The following JMJD8 variants were observed in gnomAD, a reference collection of about 807,000 sequenced individuals.
JMJD8 encodes jmjC domain-containing protein 8.
JMJD8 carries 56 observed loss-of-function variants against 37.6 expected under a neutral mutation model. That is an observed-to-expected ratio of 1.49 (90% CI 1.20 to 1.86). JMJD8 has a LOEUF of 1.86. JMJD8 is among the 40% of genes most tolerant of loss of function. JMJD8 has a pLI of 0.00. For missense variants in JMJD8, 542 were observed against 362.7 expected (o/e 1.49, Z -4.01); for synonymous variants, 261 against 163.7 (o/e 1.59, Z -4.54).
chr16:684,312 G>T lies in JMJD8; in HGVS notation c.8C>A (p.Pro3Gln). 1 of 1,485,860 alleles carries T rather than the reference G, an allele frequency of 6.7e-7. No individual in the cohort carries two copies. The highest frequency in any genetic ancestry group is 8.9e-7 in the Non-Finnish European group (1 of 1,125,784). The allele number at this position is 1,485,860 out of a possible 1,614,324, so 92.0% of individuals were successfully genotyped here. MA[P>Q]ASRLLALWAL... is the part of the protein sequence containing the mutation. ...CCAGAGCGCGAGCAACCGCGACGCCGGCGCCATGAGCCTGCCGCCCTCAGG... is the reference window on the plus strand; with the variant it reads ...CCAGAGCGCGAGCAACCGCGACGCCTGCGCCATGAGCCTGCCGCCCTCAGG... Residue 3 changes from proline (P) to glutamine (Q), a missense_variant, in exon 1 of 9, where the codon CCG (proline) becomes CAG (glutamine). By Grantham distance (76) the Pro-to-Gln change is moderately conservative. Coordinates refer to ENST00000609261, the MANE Select transcript of JMJD8 (RefSeq NM_001005920.4).
chr16:682,340 C>A lies in JMJD8; in HGVS notation c.*454G>T. The A allele has an allele frequency of 6.2e-7, 1 of 1,613,032 alleles. No individual in the cohort carries two copies. The highest frequency in any genetic ancestry group is 1.6e-4 in the Middle Eastern group (1 of 6,062). Reference sequence around the variant, plus strand: ...GCATGGTCCTGGGCCCCATGACTGCCCTCTGCCCTTCTTGTCACTGCAGCG... The same window carrying A: ...GCATGGTCCTGGGCCCCATGACTGCACTCTGCCCTTCTTGTCACTGCAGCG... On this transcript the variant is annotated 3_prime_UTR_variant, in exon 9 of 9. Coordinates refer to ENST00000609261, the MANE Select transcript of JMJD8 (RefSeq NM_001005920.4).
chr16:682,550 C>CT lies in JMJD8; in HGVS notation c.*243dup. 3 of 1,603,320 alleles carry CT rather than the reference C, an allele frequency of 1.9e-6. No individual in the cohort carries two copies. The highest frequency in any genetic ancestry group is 2.6e-6 in the Non-Finnish European group (3 of 1,173,992). On this transcript the variant is annotated 3_prime_UTR_variant, in exon 9 of 9. Coordinates refer to ENST00000609261, the MANE Select transcript of JMJD8 (RefSeq NM_001005920.4). ...AGCCCTGGGCAGAAGCCCCCGGCCC[C>CT]TATACATAGTTTATGTTCCTGGCCA...
rs762182388 is a variant in JMJD8 at position 682,533 on chromosome 16, G to C, written c.*261C>G. 6.2e-7 allele frequency: 1 copy of C among 1,610,990 alleles called. No homozygotes were observed. Among genetic ancestry groups the C allele is most frequent in the Non-Finnish European group, 8.5e-7 (1 of 1,178,836 alleles). On this transcript the variant is annotated 3_prime_UTR_variant, in exon 9 of 9. Coordinates refer to ENST00000609261, the MANE Select transcript of JMJD8 (RefSeq NM_001005920.4). Reference sequence around the variant, plus strand: ...GCGTCCTGGTCCAGGGGAGCCCTGGGCAGAAGCCCCCGGCCCCTATACATA... The same window carrying C: ...GCGTCCTGGTCCAGGGGAGCCCTGGCCAGAAGCCCCCGGCCCCTATACATA...
Position 681,820 on chromosome 16 carries a change from C to G in JMJD8, c.*974G>C. 8 of 1,606,970 alleles carry G rather than the reference C, an allele frequency of 5.0e-6. No homozygotes were observed. The highest frequency in any genetic ancestry group is 1.1e-5 in the South Asian group (1 of 90,742). ...AGCTGGAAGAGTGCCAGCGAAACCA[C>G]GAGGGTGATGAGGACGACAGCCACG... is the stretch of plus-strand genomic sequence containing the variant. On this transcript the variant is annotated 3_prime_UTR_variant, in exon 9 of 9. Transcript: ENST00000609261.
In JMJD8 at chr16:682,688, G is replaced by A. The variant is rs1057326166; in HGVS notation, c.*106C>T. ...TTTGTGGGCTGGAAAAGCAGGTGAG[G>A]GTGGGCTGGGCTGAGGCCATTGCCG... On this transcript the variant is annotated 3_prime_UTR_variant, in exon 9 of 9. Coordinates refer to ENST00000609261, the MANE Select transcript of JMJD8 (RefSeq NM_001005920.4). 2.1e-6 allele frequency: 3 copies of A among 1,442,862 alleles called. No homozygotes were observed. The highest frequency in any genetic ancestry group is 2.0e-5 in the Admixed American group (1 of 50,266). 89.4% of individuals were successfully genotyped at this position (1,442,862 alleles called of 1,614,324 possible). A position where few individuals can be genotyped will look rare whatever the true frequency, so the allele number is the denominator to read the frequency against.
At position 682,009 on chromosome 16, in the gene JMJD8, A is replaced by G. The variant is rs1228172235; in HGVS notation, c.*785T>C. On this transcript the variant is annotated 3_prime_UTR_variant, in exon 9 of 9. Transcript: ENST00000609261. ...GTGTCTCCCCCAAGCACAGCACTCAACTCTTCACAGGACAAGTACATGGCG... is the reference window on the plus strand; with the variant it reads ...GTGTCTCCCCCAAGCACAGCACTCAGCTCTTCACAGGACAAGTACATGGCG... 2.5e-6 allele frequency: 4 copies of G among 1,608,076 alleles called. No homozygotes were observed. Among genetic ancestry groups the G allele is most frequent in the Admixed American group, 1.7e-5 (1 of 59,724 alleles).
chr16:683,485 ACT>A, intron 5 of JMJD8, 43 bp downstream of exon 5: 1 of 1,546,338 alleles, frequency 6.5e-7, no homozygotes, highest in Middle Eastern at 1.7e-4. Flanking sequence ...GCACCTGGAG[ACT>A]CCAAGCGTCC....
Position 684,059 on chromosome 16 carries a change from C to T in JMJD8, c.176+7G>A, listed in dbSNP as rs1392434476. 1 of 1,580,034 alleles carries T rather than the reference C, an allele frequency of 6.3e-7. No homozygotes were observed. The highest frequency in any genetic ancestry group is 8.5e-7 in the Non-Finnish European group (1 of 1,171,430). The stretch of plus-strand genomic sequence containing the variant: ...GACGCGACCTCCGCGATCAGGGGCG[C>T]ACGTACTGCTGCACGAACTCCGCGT... On this transcript the variant is annotated splice_region_variant and intron_variant, in intron 2 of 8. Transcript: ENST00000609261.
chr16:682,665 T>C lies in JMJD8; in HGVS notation c.*129A>G. 1 of 1,407,258 alleles carries C rather than the reference T, an allele frequency of 7.1e-7. No homozygotes were observed. The highest frequency in any genetic ancestry group is 9.7e-7 in the Non-Finnish European group (1 of 1,026,262). The allele number at this position is 1,407,258 out of a possible 1,614,324, so 87.2% of individuals were successfully genotyped here. ...TTGCTGGGCCGTGATCGTCCCCCTT[T>C]GTGGGCTGGAAAAGCAGGTGAGGGT... On this transcript the variant is annotated 3_prime_UTR_variant, in exon 9 of 9. Transcript: ENST00000609261.
Position 682,650 on chromosome 16 carries a change from G to A in JMJD8, c.*144C>T, listed in dbSNP as rs963947984. ...CTCTCAGCATCGCTTTTGCTGGGCC[G>A]TGATCGTCCCCCTTTGTGGGCTGGA... On this transcript the variant is annotated 3_prime_UTR_variant, in exon 9 of 9. Transcript: ENST00000609261. 1.6e-5 allele frequency: 23 copies of A among 1,407,394 alleles called. No individual in the cohort carries two copies. Among genetic ancestry groups the A allele is most frequent in the East Asian group, 9.5e-5 (4 of 42,166 alleles). 87.2% of individuals were successfully genotyped at this position (1,407,394 alleles called of 1,614,324 possible).
rs779157991 is a variant in JMJD8 at position 683,153 on chromosome 16, C to G, written c.579+14G>C. ...TCAGCGAGTCCCAAGCCTCAACCCCCACCCCGTGCTGACCTTACGACCGTA... is the reference window on the plus strand; with the variant it reads ...TCAGCGAGTCCCAAGCCTCAACCCCGACCCCGTGCTGACCTTACGACCGTA... On this transcript the variant is annotated intron_variant, in intron 7 of 8. Coordinates refer to ENST00000609261, the MANE Select transcript of JMJD8 (RefSeq NM_001005920.4). The G allele has an allele frequency of 1.9e-6, 3 of 1,613,490 alleles. No homozygotes were observed. Among genetic ancestry groups the G allele is most frequent in the African/African-American group, 1.3e-5 (1 of 75,044 alleles).
Position 684,254 on chromosome 16 carries a change from C to G in JMJD8, c.66G>C (p.Gly22=). 1 of 1,371,126 alleles carries G rather than the reference C, an allele frequency of 7.3e-7. No individual in the cohort carries two copies. The allele number at this position is 1,371,126 out of a possible 1,614,324, so 84.9% of individuals were successfully genotyped here. Reference sequence around the variant, plus strand: ...CTCACCACCCGCCGTCGCCCTCCGCCCCGGAGCCGGGTAGAGCCACAGCCG... The same window carrying G: ...CTCACCACCCGCCGTCGCCCTCCGCGCCGGAGCCGGGTAGAGCCACAGCCG... The part of the protein sequence containing the change: ...ALAAVALPGS[G]AEGDGGWRPG... Residue 22 remains glycine, a synonymous_variant, in exon 1 of 9, where the codon GGG becomes GGC. Transcript: ENST00000609261.
In JMJD8 at chr16:683,527, C is replaced by T. The variant is rs1596558362; in HGVS notation, c.391+3G>A. 3 of 1,553,616 alleles carry T rather than the reference C, an allele frequency of 1.9e-6. No homozygotes were observed. The South Asian group carries it at 3.6e-5, about 18-fold the overall frequency. On this transcript the variant is annotated splice_donor_region_variant and intron_variant, in intron 5 of 8. Coordinates refer to ENST00000609261, the MANE Select transcript of JMJD8 (RefSeq NM_001005920.4). The stretch of plus-strand genomic sequence containing the variant: ...CCCCTACCGCCGCCTAGGGCTGCCT[C>T]ACCATTGCCCAGGGAGGTGGGGTCC...
rs894652364 is a variant in JMJD8, at chr16:682,552, A to G, written c.*242T>C. 3.1e-6 allele frequency: 5 copies of G among 1,601,936 alleles called. No homozygotes were observed. The highest frequency in any genetic ancestry group is 1.3e-5 in the African/African-American group (1 of 74,666). On this transcript the variant is annotated 3_prime_UTR_variant, in exon 9 of 9. Coordinates refer to ENST00000609261, the MANE Select transcript of JMJD8 (RefSeq NM_001005920.4). ...CCCTGGGCAGAAGCCCCCGGCCCCT[A>G]TACATAGTTTATGTTCCTGGCCACC...
rs765770309 is a variant in JMJD8 at position 682,405 on chromosome 16, C to T, written c.*389G>A. On this transcript the variant is annotated 3_prime_UTR_variant, in exon 9 of 9. Coordinates refer to ENST00000609261, the MANE Select transcript of JMJD8 (RefSeq NM_001005920.4). The stretch of plus-strand genomic sequence containing the variant: ...ACCCCGTGACCCGGAGCCCCCTGAC[C>T]CAGGAACAGCTCATCCCCAACTTGG... The T allele has an allele frequency of 1.4e-5, 23 of 1,613,258 alleles. No homozygotes were observed. Among genetic ancestry groups the T allele is most frequent in the Middle Eastern group, 3.3e-4 (2 of 6,084 alleles).
At chr16:682,916 TCTAGC>T (rs770093584) in intron 8 of JMJD8, 32 bp downstream of exon 8, 2 of 1,612,056 alleles carry the variant, frequency 1.2e-6, no homozygotes, top group South Asian at 2.2e-5. Context: ...GCTGCGGGCC[TCTAGC>T]CTGGCCTGGC....
In JMJD8 at chr16:684,154, G is replaced by C; in HGVS notation, c.88C>G (p.Arg30Gly). ...GCCACGGCCCCCGGCCCGCCCGGGC[G>C]CCTGCGGGCACAGCTGGGTCAGCCC... ...GSGAEGDGGW[R>G]PGGPGAVAEE... is the part of the protein sequence containing the mutation. Residue 30 changes from arginine (R) to glycine (G), a missense_variant and splice_region_variant, in exon 2 of 9, where the codon CGC (arginine) becomes GGC (glycine). Arg to Gly is a moderately radical substitution (Grantham distance 125, BLOSUM62 -2). Coordinates refer to ENST00000609261, the MANE Select transcript of JMJD8 (RefSeq NM_001005920.4). The C allele has an allele frequency of 6.8e-7, 1 of 1,470,310 alleles. No individual in the cohort carries two copies. The highest frequency in any genetic ancestry group is 8.9e-7 in the Non-Finnish European group (1 of 1,118,088). 91.1% of individuals were successfully genotyped at this position (1,470,310 alleles called of 1,614,324 possible).
chr16:682,635 C>T lies in JMJD8; in HGVS notation c.*159G>A, dbSNP rs796696588. The T allele has an allele frequency of 4.1e-5, 59 of 1,429,866 alleles. 1 individual carries two copies. The highest frequency in any genetic ancestry group is 1.1e-4 in the African/African-American group (8 of 71,680). The allele number at this position is 1,429,866 out of a possible 1,614,324, so 88.6% of individuals were successfully genotyped here. On this transcript the variant is annotated 3_prime_UTR_variant, in exon 9 of 9. Transcript: ENST00000609261. ...TCTGGACTGTTTCCCCTCTCAGCATCGCTTTTGCTGGGCCGTGATCGTCCC... is the reference window on the plus strand; with the variant it reads ...TCTGGACTGTTTCCCCTCTCAGCATTGCTTTTGCTGGGCCGTGATCGTCCC...
Position 683,223 on chromosome 16 carries a change from C to T in JMJD8, c.523G>A (p.Gly175Arg), listed in dbSNP as rs767038792. Residue 175 changes from glycine (G) to arginine (R), a missense_variant, in exon 7 of 9, where the codon GGG (glycine) becomes AGG (arginine). Physicochemically the swap from Gly to Arg is moderately radical, Grantham distance 125 (BLOSUM62 -2). Transcript: ENST00000609261. The stretch of plus-strand genomic sequence containing the variant: ...GGTCCATGCCAGTGGAAGGGCACCC[C>T]CGAGCCAGCTCCTGTGGGGTTATGA... ...YSFGIAGAGS[G>R]VPFHWHGPGY... 16 of 1,613,012 alleles carry T rather than the reference C, an allele frequency of 9.9e-6. No homozygotes were observed. The Admixed American group carries it at 1.5e-4, about 15-fold the overall frequency.
Sources: allele counts gnomAD v4.1 joint callset, GRCh38; gene constraint gnomAD v4.1.1; transcripts MANE v1.5; gene names NCBI Gene and HGNC (gene_info 2026-07-23, HGNC 2026-07-21).